SCRG1: variants seen among roughly 807,000 people sequenced by gnomAD.
SCRG1 encodes scrapie-responsive protein 1.
Under a neutral mutation model 7.7 loss-of-function variants are expected in SCRG1, and 3 were observed. That is an observed-to-expected ratio of 0.39 (90% CI 0.18 to 1.01). SCRG1 has a LOEUF of 1.01. SCRG1 is among the 50% of genes least tolerant of loss of function. SCRG1 has a pLI of 0.36. For missense variants in SCRG1, 110 were observed against 117.2 expected, an observed-to-expected ratio of 0.94 and a Z score of 0.28; for synonymous variants, 46 against 41.2, an observed-to-expected ratio of 1.12 and a Z score of -0.44.
chr4:173,474,800 T>C, the SCRG1 span, among the ~76,000 whole-genome samples: 2 of 152,210 alleles, frequency 1.3e-5, no homozygotes, highest in Non-Finnish European at 2.9e-5. Flanking sequence ...GTTGTAAGCC[T>C]GAGGTCCTTT....
chr4:173,425,121 A>T, the SCRG1 span, among the ~76,000 whole-genome samples: 1 of 152,210 alleles, frequency 6.6e-6, no homozygotes, highest in African/African-American at 2.4e-5. Context: ...GCTGGTGTGG[A>T]AATACTTTCA....
At chr4:173,483,751 GTGATATATCAT>G in the SCRG1 span, among the ~76,000 whole-genome samples, 2 of 3,458 alleles carry the variant, frequency 5.8e-4, 1 homozygote, top group African/African-American at 1.4e-3. Context: ...TATATTATAT[GTGATATATCAT>G]ATATATGATA....
At chr4:173,512,350 C>A in the SCRG1 span, among the ~76,000 whole-genome samples, 1 of 152,194 alleles carries the variant, frequency 6.6e-6, no homozygotes, top group Non-Finnish European at 1.5e-5. Context: ...TGAGAATCAG[C>A]AGTAAGCTTT....
chr4:173,515,586 CTGTGTGTG>C, the SCRG1 span, among the ~76,000 whole-genome samples: 1,357 of 150,700 alleles, frequency 9.0e-3, 22 homozygotes, highest in African/African-American at 0.031. This position sits in a 1 kb window ranked among gnomAD's most constrained non-coding sequence, Gnocchi z 4.6. Context: ...GTGTGTGTGT[CTGTGTGTG>C]TGTGTGTGTT....
At chr4:173,492,482 C>G in the SCRG1 span, among the ~76,000 whole-genome samples, 1 of 152,102 alleles carries the variant, frequency 6.6e-6, no homozygotes, top group Non-Finnish European at 1.5e-5. Context: ...TAATCCAGAC[C>G]TCAGGCATGA....
chr4:173,403,335 G>T (rs1028320656), upstream of SCRG1: 1 of 152,128 alleles, frequency 6.6e-6, no homozygotes. Flanking sequence ...CTTGGGAATG[G>T]CTAGGATTCC....
At chr4:173,436,943 T>A in the SCRG1 span, among the ~76,000 whole-genome samples, 2 of 152,220 alleles carry the variant, frequency 1.3e-5, no homozygotes, top group African/African-American at 4.8e-5. Flanking sequence ...TGTAATAGAT[T>A]AGTTAGCCGT....
the SCRG1 span, among the ~76,000 whole-genome samples, chr4:173,514,354 A>G: frequency 2.0e-5 from 3 of 152,212 alleles, no homozygotes; most frequent in Non-Finnish European, 4.4e-5. Context: ...TGTCTAATAG[A>G]TGTTTGAAAA....
At chr4:173,514,257 G>A in the SCRG1 span, among the ~76,000 whole-genome samples, 2 of 152,184 alleles carry the variant, frequency 1.3e-5, no homozygotes, top group African/African-American at 4.8e-5. Flanking sequence ...TTAAGTTCTA[G>A]GATCGTAGAC....
At chr4:173,419,303 C>T in the SCRG1 span, 1 of 694,730 alleles carries the variant, frequency 1.4e-6, no homozygotes, top group Non-Finnish European at 2.4e-6. Context: ...TTGAGCTACC[C>T]AATCTTTCTT....
At chr4:173,511,781 T>G in the SCRG1 span, among the ~76,000 whole-genome samples, 1 of 152,132 alleles carries the variant, frequency 6.6e-6, no homozygotes, top group Admixed American at 6.5e-5. The surrounding 1 kb of genome is among the most constrained non-coding windows in gnomAD (Gnocchi z 5.2). Flanking sequence ...TTATAATGTA[T>G]ATATATAAAC....
At chr4:173,432,648 G>A in the SCRG1 span, among the ~76,000 whole-genome samples, 2 of 152,160 alleles carry the variant, frequency 1.3e-5, no homozygotes, top group Non-Finnish European at 2.9e-5. Flanking sequence ...GGTTCTGTCA[G>A]GTGCCTCCTC....
chr4:173,414,079 G>C, the SCRG1 span, among the ~76,000 whole-genome samples: 1 of 152,138 alleles, frequency 6.6e-6, no homozygotes, highest in African/African-American at 2.4e-5. Flanking sequence ...TTTTGTTTGA[G>C]AGTTTGGTTA....
chr4:173,471,025 T>C, the SCRG1 span, among the ~76,000 whole-genome samples: 1 of 152,142 alleles, frequency 6.6e-6, no homozygotes, highest in African/African-American at 2.4e-5. Context: ...AAAAGAAACA[T>C]GGAAACCCTG....
chr4:173,431,984 G>C, the SCRG1 span, among the ~76,000 whole-genome samples: 3 of 152,176 alleles, frequency 2.0e-5, no homozygotes, highest in African/African-American at 7.2e-5. Flanking sequence ...CAAACTGTTT[G>C]CTTAAGAAAC....
At chr4:173,517,161 C>G in the SCRG1 span, among the ~76,000 whole-genome samples, 2 of 152,062 alleles carry the variant, frequency 1.3e-5, no homozygotes, top group African/African-American at 4.8e-5. Context: ...GCTCGGGGCT[C>G]GGGCGGGGTC....
the SCRG1 span, among the ~76,000 whole-genome samples, chr4:173,430,309 A>G: frequency 1.3e-5 from 2 of 152,194 alleles, no homozygotes; most frequent in East Asian, 3.8e-4. Flanking sequence ...AGTTTTTACT[A>G]TCTGGATGAC....
At chr4:173,505,023 C>A in the SCRG1 span, among the ~76,000 whole-genome samples, 4 of 152,208 alleles carry the variant, frequency 2.6e-5, no homozygotes, top group Non-Finnish European at 5.9e-5. This position sits in a 1 kb window ranked among gnomAD's most constrained non-coding sequence, Gnocchi z 4.4. Flanking sequence ...GAAGAGAAAT[C>A]ACCATAGTCT....
intron 1 of SCRG1, among the ~76,000 whole-genome samples, chr4:173,396,641 T>C (rs1739611324): frequency 6.6e-6 from 1 of 151,888 alleles, no homozygotes; most frequent in South Asian, 2.1e-4. Flanking sequence ...CATAAGATCA[T>C]TTTTTTGCCA....
Sources: allele counts gnomAD v4.1 joint callset (sites outside exome capture counted in the v4.1 genomes callset), GRCh38; gene constraint gnomAD v4.1.1; non-coding constraint Gnocchi (gnomAD v3.1); transcripts MANE v1.5; gene names NCBI Gene and HGNC (gene_info 2026-07-23, HGNC 2026-07-21).